VTCN1: variants seen among roughly 807,000 people sequenced by gnomAD.
VTCN1 encodes V-set domain-containing T-cell activation inhibitor 1.
VTCN1 carries 26 observed loss-of-function variants against 26.5 expected under a neutral mutation model. The ratio of observed to expected loss-of-function variants is 0.98; its 90% confidence interval spans 0.72 to 1.36. VTCN1 has a LOEUF of 1.36. Ranked by LOEUF, VTCN1 falls within the 40% of genes most tolerant of loss-of-function variation. The probability of loss-of-function intolerance (pLI) is 0.00; values close to 1 mark genes in which losing one functional copy is unlikely to be tolerated. For synonymous variants in VTCN1, 116 were observed against 130.7 expected, an observed-to-expected ratio of 0.89 and a Z score of 0.77; for missense variants, 298 against 337.7, an observed-to-expected ratio of 0.88 and a Z score of 0.92.
intron 1 of VTCN1, among the ~76,000 whole-genome samples, chr1:117,191,474 C>T (rs1438496133): frequency 1.3e-5 from 2 of 151,924 alleles, no homozygotes; most frequent in Admixed American, 6.6e-5. Context: ...GGCAACATAG[C>T]CAGATAGCCA....
intron 3 of VTCN1, 136 bp from the exon 4 acceptor site, chr1:117,153,505 C>CT: frequency 1.0e-6 from 1 of 959,500 alleles, no homozygotes; most frequent in Non-Finnish European, 1.5e-6. Flanking sequence ...TCAGTACTTC[C>CT]TCAGAGGTCC....
chr1:117,172,478 C>T, intron 1 of VTCN1: 1 of 518,770 alleles, frequency 1.9e-6, no homozygotes, highest in Non-Finnish European at 3.9e-6. Flanking sequence ...TAGCGAGAGG[C>T]ACCATCTGCT....
chr1:117,154,708 G>T (rs190810407), intron 3 of VTCN1, among the ~76,000 whole-genome samples: 208 of 151,174 alleles, frequency 1.4e-3, no homozygotes, highest in African/African-American at 4.9e-3. Context: ...ACTTGAACCT[G>T]GGAGGCGCAG....
chr1:117,189,115 C>T (rs1215765264), intron 1 of VTCN1, among the ~76,000 whole-genome samples: 1 of 152,142 alleles, frequency 6.6e-6, no homozygotes, highest in Admixed American at 6.5e-5. Flanking sequence ...CATAGCAAAA[C>T]TTCCTCTTAA....
chr1:117,208,831 G>A (rs1557881959), intron 1 of VTCN1, among the ~76,000 whole-genome samples: 1 of 152,190 alleles, frequency 6.6e-6, no homozygotes, highest in African/African-American at 2.4e-5. Flanking sequence ...TGGAAATTAT[G>A]AATACTTAGG....
At chr1:117,202,697 G>A (rs558723358) in intron 1 of VTCN1, among the ~76,000 whole-genome samples, 1 of 152,316 alleles carries the variant, frequency 6.6e-6, no homozygotes, top group Admixed American at 6.5e-5. Flanking sequence ...AGGAATCCAG[G>A]CACAGAGAGG....
chr1:117,152,647 T>A (rs76391919), intron 4 of VTCN1, among the ~76,000 whole-genome samples: 8,164 of 152,276 alleles, frequency 0.054, 268 homozygotes, highest in South Asian at 0.079. Context: ...CTCCAGACTT[T>A]TAGTCTTCAG....
intron 1 of VTCN1, among the ~76,000 whole-genome samples, chr1:117,205,372 C>G (rs1649006952): frequency 6.6e-6 from 1 of 151,988 alleles, no homozygotes; most frequent in African/African-American, 2.4e-5. Context: ...CCAGGCTTGT[C>G]TCAAACTCCT....
chr1:117,163,965 A>G (rs1210049441), intron 2 of VTCN1, among the ~76,000 whole-genome samples: 1 of 152,198 alleles, frequency 6.6e-6, no homozygotes, highest in Non-Finnish European at 1.5e-5. Context: ...GGTTTATCCA[A>G]TGTCTGAAGC....
At chr1:117,176,314 G>A (rs1647349481) in intron 1 of VTCN1, among the ~76,000 whole-genome samples, 2 of 152,200 alleles carry the variant, frequency 1.3e-5, no homozygotes, top group South Asian at 4.1e-4. Flanking sequence ...ATTTGAGGGT[G>A]TATGACTTAC....
rs536999989 is a variant in VTCN1, at chr1:117,145,653, G to A, written c.*46-428C>T. Among the ~76,000 whole-genome samples, 294 of 152,132 alleles carry A rather than the reference G, an allele frequency of 1.9e-3. 2 individuals are homozygous for A. The highest frequency in any genetic ancestry group is 6.9e-3 in the African/African-American group (287 of 41,480). ...TTTACTTTTATCATTATTTTTTTGA[G>A]ACAGGGTCTCACTCTGTTGCCCAGG... On this transcript the variant is annotated intron_variant, in intron 5 of 5. Transcript: ENST00000369458. This position sits in a 1 kb window ranked among gnomAD's most constrained non-coding sequence, Gnocchi z 4.6.
intron 1 of VTCN1, among the ~76,000 whole-genome samples, chr1:117,182,616 A>G (rs2101559118): frequency 6.6e-6 from 1 of 152,270 alleles, no homozygotes; most frequent in South Asian, 2.1e-4. Flanking sequence ...CCTTATGTAG[A>G]ACCCTTCTGT....
chr1:117,181,180 G>A (rs952627830), intron 1 of VTCN1, among the ~76,000 whole-genome samples: 23 of 151,440 alleles, frequency 1.5e-4, no homozygotes, highest in Admixed American at 2.0e-4. Flanking sequence ...ACTTTGGGAG[G>A]CCAAGGTGGG....
chr1:117,163,992 T>C (rs1422161383), intron 2 of VTCN1, among the ~76,000 whole-genome samples: 1 of 152,132 alleles, frequency 6.6e-6, no homozygotes, highest in East Asian at 1.9e-4. Context: ...ATTACTGTAG[T>C]GTGATAGGTC....
At chr1:117,171,610 T>TAA (rs1652922198) in intron 1 of VTCN1, among the ~76,000 whole-genome samples, 1 of 152,186 alleles carries the variant, frequency 6.6e-6, no homozygotes, top group Admixed American at 6.5e-5. Flanking sequence ...GGAAACTAAA[T>TAA]AAACAAATAA....
Position 117,159,499 on chromosome 1 carries a change from G to C in VTCN1, c.98-2578C>G, listed in dbSNP as rs367619643. 6.6e-6 allele frequency among the ~76,000 whole-genome samples: 1 copy of C among 152,202 alleles called. No individual in the cohort carries two copies. The highest frequency in any genetic ancestry group is 1.9e-4 in the East Asian group (1 of 5,196). Reference sequence around the variant, plus strand: ...ACCAGGTCCCTCCCACAACACATGGGAATTATGGGAGTATAATTTAAGATG... The same window carrying C: ...ACCAGGTCCCTCCCACAACACATGGCAATTATGGGAGTATAATTTAAGATG... On this transcript the variant is annotated intron_variant, in intron 2 of 5. Coordinates refer to ENST00000369458, the MANE Select transcript of VTCN1 (RefSeq NM_024626.4). The surrounding 1 kb of genome is among the most constrained non-coding windows in gnomAD (Gnocchi z 4.7).
At chr1:117,153,786 G>A (rs1360602482) in intron 3 of VTCN1, among the ~76,000 whole-genome samples, 1 of 152,128 alleles carries the variant, frequency 6.6e-6, no homozygotes, top group Non-Finnish European at 1.5e-5. Context: ...GGTGGGTAGG[G>A]AGAAGGAGAA....
At chr1:117,208,249 A>G (rs191821336) in intron 1 of VTCN1, among the ~76,000 whole-genome samples, 88 of 152,260 alleles carry the variant, frequency 5.8e-4, no homozygotes, top group African/African-American at 2.0e-3. Context: ...ATGCTCATTC[A>G]TGAGTTTTAT....
At chr1:117,207,329 G>GT (rs2101612399) in intron 1 of VTCN1, among the ~76,000 whole-genome samples, 1 of 152,186 alleles carries the variant, frequency 6.6e-6, no homozygotes, top group Non-Finnish European at 1.5e-5. Flanking sequence ...CAGGGTAAAG[G>GT]TTTATGGATC....
Sources: allele counts gnomAD v4.1 joint callset (sites outside exome capture counted in the v4.1 genomes callset), GRCh38; gene constraint gnomAD v4.1.1; non-coding constraint Gnocchi (gnomAD v3.1); transcripts MANE v1.5; gene names NCBI Gene and HGNC (gene_info 2026-07-23, HGNC 2026-07-21).